SLC35A3: variants seen among roughly 807,000 people sequenced by gnomAD.
SLC35A3 encodes UDP-N-acetylglucosamine transporter.
SLC35A3 carries 26 observed loss-of-function variants against 39.0 expected under a neutral mutation model. That is an observed-to-expected ratio of 0.67 (90% CI 0.49 to 0.92). The LOEUF is 0.92. Among genes scored for constraint, SLC35A3 ranks in the 40% least tolerant of loss-of-function variants. The probability of loss-of-function intolerance (pLI) is 0.00; values close to 1 mark genes in which losing one functional copy is unlikely to be tolerated. For missense variants in SLC35A3, 299 were observed against 371.6 expected (o/e 0.80, Z 1.61); for synonymous variants, 135 against 133.1 (o/e 1.01, Z -0.10).
intron 1 of SLC35A3, among the ~76,000 whole-genome samples, chr1:99,976,622 T>G (rs889250767): frequency 6.6e-6 from 1 of 152,222 alleles, no homozygotes; most frequent in Non-Finnish European, 1.5e-5. Context: ...TGGAATACTA[T>G]GCAGCTATGA....
intron 5 of SLC35A3, among the ~76,000 whole-genome samples, chr1:100,014,719 TTAGTGCTC>T (rs1659941044): frequency 6.6e-6 from 1 of 152,224 alleles, no homozygotes; most frequent in Admixed American, 6.5e-5. Context: ...TTGTATTATT[TTAGTGCTC>T]CAAAGTTGGT....
chr1:99,979,652 C>T (rs1217730340), intron 1 of SLC35A3, among the ~76,000 whole-genome samples: 1 of 151,400 alleles, frequency 6.6e-6, no homozygotes, highest in Non-Finnish European at 1.5e-5. Context: ...CCAGGATGGT[C>T]TCGATCTCCT....
chr1:99,988,878 T>A (rs1657909929), intron 1 of SLC35A3, among the ~76,000 whole-genome samples: 1 of 152,034 alleles, frequency 6.6e-6, no homozygotes. Context: ...GCCATCCTCC[T>A]GCCTCAGCCT....
chr1:99,997,182 CG>C (rs1658447052), intron 2 of SLC35A3, among the ~76,000 whole-genome samples: 1 of 151,588 alleles, frequency 6.6e-6, no homozygotes, highest in South Asian at 2.1e-4. Flanking sequence ...AAAGACTTCC[CG>C]GCTTCCTTGC....
rs1660910340 is a variant in SLC35A3, at chr1:100,026,360, G to A, written c.*3884G>A. On this transcript the variant is annotated 3_prime_UTR_variant, in exon 8 of 8. Transcript: ENST00000533028. The stretch of plus-strand genomic sequence containing the variant: ...TGAAAGTCATCTTAAGAATCTCCAG[G>A]TTATTTAAAGTAGTTATAGGAGCAG... 1 of 152,086 alleles carries A rather than the reference G, an allele frequency of 6.6e-6. No homozygotes were observed. The highest frequency in any genetic ancestry group is 1.5e-5 in the Non-Finnish European group (1 of 67,996). 9.4% of individuals were successfully genotyped at this position (152,086 alleles called of 1,614,324 possible).
At chr1:99,991,462 A>G (rs1291608850) in intron 1 of SLC35A3, among the ~76,000 whole-genome samples, 1 of 152,066 alleles carries the variant, frequency 6.6e-6, no homozygotes, top group African/African-American at 2.4e-5. Context: ...TGATTACTGT[A>G]GTTTTATAGT....
intron 4 of SLC35A3, among the ~76,000 whole-genome samples, chr1:100,010,191 AATAAAT>A (rs1209064250): frequency 1.3e-5 from 2 of 152,206 alleles, no homozygotes; most frequent in African/African-American, 2.4e-5. Flanking sequence ...AGTTGACTAG[AATAAAT>A]ATAAAGATTG....
At position 100,034,640 on chromosome 1, in the gene SLC35A3, G is replaced by A. The variant is rs1167351883; in HGVS notation, c.*12164G>A. 5 of 152,070 alleles carry A rather than the reference G, an allele frequency of 3.3e-5. No individual in the cohort carries two copies. The highest frequency in any genetic ancestry group is 1.2e-4 in the African/African-American group (5 of 41,400). 9.4% of individuals were successfully genotyped at this position (152,070 alleles called of 1,614,324 possible). A position where few individuals can be genotyped will look rare whatever the true frequency, so the allele number is the denominator to read the frequency against. ...GGCTCTATAGAATGGAGGGTAGAAG[G>A]GATGTGGGTGACTTACTCAGTTTTT... On this transcript the variant is annotated 3_prime_UTR_variant, in exon 8 of 8. Transcript: ENST00000533028.
Position 99,993,567 on chromosome 1 carries a change from CTAAAA to C in SLC35A3, c.16_20del (p.Lys6ArgfsTer40). 6.2e-7 allele frequency: 1 copy of C among 1,613,776 alleles called. No individual in the cohort carries two copies. The highest frequency in any genetic ancestry group is 8.5e-7 in the Non-Finnish European group (1 of 1,179,884). ...TGAAGATAAAACAATGTTCGCCAAC[CTAAAA>C]TACGTTTCCCTGGGAATTTTGGTCT... On this transcript the variant is annotated frameshift_variant, in exon 2 of 8. Coordinates refer to ENST00000533028, the MANE Select transcript of SLC35A3 (RefSeq NM_012243.3). LOFTEE classifies it high-confidence loss of function.
At chr1:99,995,104 T>TTTTA (rs1658309339) in intron 2 of SLC35A3, among the ~76,000 whole-genome samples, 1 of 113,472 alleles carries the variant, frequency 8.8e-6, no homozygotes, top group African/African-American at 3.5e-5. Context: ...TTTTTGTGTA[T>TTTTA]TTTCTTTCTT....
At chr1:99,979,952 G>A (rs1173486689) in intron 1 of SLC35A3, among the ~76,000 whole-genome samples, 2 of 151,844 alleles carry the variant, frequency 1.3e-5, no homozygotes, top group Non-Finnish European at 2.9e-5. Flanking sequence ...ACTGAGGCAG[G>A]AGAATCGCTT....
At chr1:100,015,516 G>T (rs909013421) in intron 6 of SLC35A3, 96 bp downstream of exon 6, 6 of 1,311,214 alleles carry the variant, frequency 4.6e-6, no homozygotes, top group Non-Finnish European at 6.0e-6. Flanking sequence ...AGGGGGAAAA[G>T]GTCCCTCCTG....
intron 7 of SLC35A3, among the ~76,000 whole-genome samples, chr1:100,021,153 A>C (rs1488125511): frequency 6.6e-6 from 1 of 152,126 alleles, no homozygotes; most frequent in African/African-American, 2.4e-5. Flanking sequence ...ACTTGAGGTT[A>C]GGAGTTTGAG....
chr1:99,991,896 G>A (rs1366948216), intron 1 of SLC35A3, among the ~76,000 whole-genome samples: 3 of 152,038 alleles, frequency 2.0e-5, no homozygotes, highest in East Asian at 3.9e-4. Context: ...CTACAGGTGC[G>A]TGCCACCACA....
chr1:99,987,627 G>T (rs1570579070), intron 1 of SLC35A3, among the ~76,000 whole-genome samples: 1 of 152,030 alleles, frequency 6.6e-6, no homozygotes, highest in Admixed American at 6.6e-5. Flanking sequence ...CCTAATGTAG[G>T]CATGAAATAA....
chr1:100,021,354 ACTCCAT>A (rs1321424905), intron 7 of SLC35A3, among the ~76,000 whole-genome samples: 10 of 151,894 alleles, frequency 6.6e-5, no homozygotes, highest in Non-Finnish European at 1.5e-5. Context: ...ACAGAGTGAG[ACTCCAT>A]CTCAAAAAAA....
In SLC35A3 at chr1:100,031,960, T is replaced by G. The variant is rs1245738404; in HGVS notation, c.*9484T>G. The stretch of plus-strand genomic sequence containing the variant: ...GTTACTTTGCTCCTATTATGTGGTT[T>G]GATTTGTTCCCTTTATTCCTTTCAT... On this transcript the variant is annotated 3_prime_UTR_variant, in exon 8 of 8. Transcript: ENST00000533028. 3 of 152,340 alleles carry G rather than the reference T, an allele frequency of 2.0e-5. No homozygotes were observed. The East Asian group carries it at 5.8e-4, about 29-fold the overall frequency. 9.4% of individuals were successfully genotyped at this position (152,340 alleles called of 1,614,324 possible). A position where few individuals can be genotyped will look rare whatever the true frequency, so the allele number is the denominator to read the frequency against.
Position 100,023,526 on chromosome 1 carries a change from GAC to G in SLC35A3, c.*1052_*1053del, listed in dbSNP as rs1321881484. On this transcript the variant is annotated 3_prime_UTR_variant, in exon 8 of 8. Coordinates refer to ENST00000533028, the MANE Select transcript of SLC35A3 (RefSeq NM_012243.3). ...TCAAACAAATAGTACAGATGTCAGT[GAC>G]AGAACAAAATGACTTTTCTTGGAGA... is the stretch of plus-strand genomic sequence containing the variant. The G allele has an allele frequency of 6.6e-6, 1 of 152,162 alleles. No individual in the cohort carries two copies. The highest frequency in any genetic ancestry group is 1.5e-5 in the Non-Finnish European group (1 of 68,028). 9.4% of individuals were successfully genotyped at this position (152,162 alleles called of 1,614,324 possible). A position where few individuals can be genotyped will look rare whatever the true frequency, so the allele number is the denominator to read the frequency against.
At position 100,024,043 on chromosome 1, in the gene SLC35A3, C is replaced by G. The variant is rs1318271304; in HGVS notation, c.*1567C>G. On this transcript the variant is annotated 3_prime_UTR_variant, in exon 8 of 8. Transcript: ENST00000533028. Reference sequence around the variant, plus strand: ...AAAAAAAAAAGCTACTGAGAAGGAGCCACCATTTTGCTTTAAAATAGTGGG... The same window carrying G: ...AAAAAAAAAAGCTACTGAGAAGGAGGCACCATTTTGCTTTAAAATAGTGGG... 6.6e-6 allele frequency: 1 copy of G among 151,370 alleles called. No individual in the cohort carries two copies. The highest frequency in any genetic ancestry group is 1.5e-5 in the Non-Finnish European group (1 of 67,850). 9.4% of individuals were successfully genotyped at this position (151,370 alleles called of 1,614,324 possible). A position where few individuals can be genotyped will look rare whatever the true frequency, so the allele number is the denominator to read the frequency against.
Sources: gnomAD v4.1 joint callset for allele counts (sites outside exome capture counted in the v4.1 genomes callset) on GRCh38, gnomAD v4.1.1 for gene constraint, MANE v1.5 for transcripts, NCBI Gene and HGNC (gene_info 2026-07-23, HGNC 2026-07-21) for gene names.